Variants in PDE4D observed in about 807,000 individuals in gnomAD.
PDE4D encodes phosphodiesterase 4D.
In PDE4D, 24 loss-of-function variants were observed where a neutral mutation model predicts 87.4. The ratio of observed to expected loss-of-function variants is 0.27; its 90% CI spans 0.20 to 0.39. The LOEUF (loss-of-function observed/expected upper bound fraction) is 0.39, where lower values mean the gene tolerates loss of function less well. PDE4D is among the 10% of genes least tolerant of loss of function. The pLI, the probability that PDE4D is intolerant of heterozygous loss-of-function variation, is 1.00. For missense variants in PDE4D, 714 were observed against 1,041.0 expected (o/e 0.69, Z 4.32); for synonymous variants, 384 against 383.2 (o/e 1.00, Z -0.02).
intron 1 of PDE4D, among the ~76,000 whole-genome samples, chr5:59,831,326 CAAAAA>C (rs35043596): frequency 1.1e-5 from 1 of 91,414 alleles, no homozygotes; most frequent in Non-Finnish European, 2.0e-5. Context: ...AAATTATTCT[CAAAAA>C]AAAAAAAAAA....
chr5:59,210,797 G>A (rs1457503875), intron 2 of PDE4D, among the ~76,000 whole-genome samples: 2 of 152,208 alleles, frequency 1.3e-5, no homozygotes, highest in Admixed American at 1.3e-4. Context: ...ATGGGGAATA[G>A]AGGATTAGTT....
intron 1 of PDE4D, among the ~76,000 whole-genome samples, chr5:59,279,936 GAATT>G (rs1561871364): frequency 1.3e-5 from 2 of 151,984 alleles, no homozygotes; most frequent in Non-Finnish European, 2.9e-5. Context: ...CAGTGGCAAT[GAATT>G]AATATAATAA....
rs555865241 is a variant in PDE4D at position 60,146,083 on chromosome 5, G to A, written c.42+39474C>T. Among the ~76,000 whole-genome samples, 25 of 152,230 alleles carry A rather than the reference G, an allele frequency of 1.6e-4. No individual in the cohort carries two copies. The South Asian group carries it at 2.7e-3, about 16-fold the overall frequency. On this transcript the variant is annotated intron_variant, in intron 2 of 16. Transcript: ENST00000502484. ...CAAAAAATTAGCCAGGTGTGGTGGC[G>A]TGCGCCTATAGTCCCAGCTGCTCAG...
intron 1 of PDE4D, among the ~76,000 whole-genome samples, chr5:60,352,534 A>G (rs576013149): frequency 1.6e-4 from 25 of 152,348 alleles, no homozygotes; most frequent in African/African-American, 6.0e-4. Context: ...TTTGGCCTCT[A>G]ATTGGCCCTG....
chr5:59,950,674 C>T (rs1222846885), intron 3 of PDE4D, among the ~76,000 whole-genome samples: 1 of 152,066 alleles, frequency 6.6e-6, no homozygotes, highest in African/African-American at 2.4e-5. Flanking sequence ...TTGACTGAGT[C>T]TAGGCTATGA....
At chr5:59,967,612 C>G (rs917892310) in intron 3 of PDE4D, among the ~76,000 whole-genome samples, 1 of 151,978 alleles carries the variant, frequency 6.6e-6, no homozygotes, top group Non-Finnish European at 1.5e-5. Context: ...CAGATACTGG[C>G]GAGGCTGAAA....
chr5:59,219,733 T>C (rs1270975249), intron 1 of PDE4D, among the ~76,000 whole-genome samples: 1 of 152,102 alleles, frequency 6.6e-6, no homozygotes. Context: ...AGCATATAAA[T>C]ACTAAAACAC....
At chr5:60,173,912 T>G (rs1438815548) in intron 2 of PDE4D, among the ~76,000 whole-genome samples, 1 of 152,088 alleles carries the variant, frequency 6.6e-6, no homozygotes, top group African/African-American at 2.4e-5. Context: ...CTTGTTTAGA[T>G]GTTGGGAGGG....
intron 1 of PDE4D, among the ~76,000 whole-genome samples, chr5:60,379,042 T>C (rs114052349): frequency 0.018 from 2,667 of 152,240 alleles, 65 homozygotes; most frequent in African/African-American, 0.061. Flanking sequence ...CCTACATACA[T>C]GGTTACCCTG....
chr5:59,914,606 G>GT (rs1753819125), intron 3 of PDE4D, among the ~76,000 whole-genome samples: 1 of 145,356 alleles, frequency 6.9e-6, no homozygotes, highest in Non-Finnish European at 1.5e-5. Context: ...GGGGGAAGAG[G>GT]TTTTAACTTT....
At chr5:59,581,399 A>G (rs1824123283) in intron 1 of PDE4D, among the ~76,000 whole-genome samples, 1 of 152,228 alleles carries the variant, frequency 6.6e-6, no homozygotes, top group African/African-American at 2.4e-5. Flanking sequence ...AGTCAACTAA[A>G]AGGAAGAAGC....
intron 1 of PDE4D, among the ~76,000 whole-genome samples, chr5:59,305,327 T>C (rs945920920): frequency 9.9e-5 from 15 of 152,012 alleles, no homozygotes; most frequent in Admixed American, 6.6e-5. Flanking sequence ...ATTTTATTTA[T>C]TTTCTCAAAG....
chr5:59,257,023 G>A (rs949796388), intron 1 of PDE4D, among the ~76,000 whole-genome samples: 1 of 152,030 alleles, frequency 6.6e-6, no homozygotes. Context: ...GAGGGGGGAT[G>A]AGCATAGAAT....
At chr5:59,841,756 GAGTTAAGACTT>G (rs1392471422) in intron 1 of PDE4D, among the ~76,000 whole-genome samples, 2 of 152,128 alleles carry the variant, frequency 1.3e-5, no homozygotes, top group East Asian at 3.9e-4. Context: ...CATCTACTTA[GAGTTAAGACTT>G]AAATAAACAG....
chr5:59,930,246 G>C (rs903479368), intron 3 of PDE4D, among the ~76,000 whole-genome samples: 1 of 150,902 alleles, frequency 6.6e-6, no homozygotes. Context: ...TTTGGAAAAA[G>C]GATCTTTGCA....
intron 1 of PDE4D, among the ~76,000 whole-genome samples, chr5:59,859,779 G>A (rs1745984359): frequency 6.6e-6 from 1 of 152,166 alleles, no homozygotes; most frequent in Non-Finnish European, 1.5e-5. Flanking sequence ...GGTACTTGGA[G>A]CCCAAGGTAA....
intron 1 of PDE4D, among the ~76,000 whole-genome samples, chr5:60,461,408 A>G (rs967916427): frequency 1.3e-5 from 2 of 152,252 alleles, no homozygotes; most frequent in African/African-American, 4.8e-5. Context: ...GTCCACGAAG[A>G]GGAAAGTGCA....
intron 1 of PDE4D, among the ~76,000 whole-genome samples, chr5:59,789,554 T>A: frequency 6.6e-6 from 1 of 152,376 alleles, no homozygotes; most frequent in South Asian, 2.1e-4. Context: ...CTTGGCTATA[T>A]TGAAGTCATA....
rs564998429 is a variant in PDE4D at position 59,551,130 on chromosome 5, G to A, written c.456-335162C>T. 2.6e-5 allele frequency among the ~76,000 whole-genome samples: 4 copies of A among 152,034 alleles called. No homozygotes were observed. In the South Asian group the frequency reaches 8.3e-4, roughly 32 times the overall value. ...GTGTAGAAAAATTTGATTCCTTAATGTATACACATCTATCAGACATTTTCT... is the reference window on the plus strand; with the variant it reads ...GTGTAGAAAAATTTGATTCCTTAATATATACACATCTATCAGACATTTTCT... On this transcript the variant is annotated intron_variant, in intron 1 of 14. Coordinates refer to ENST00000340635, the MANE Select transcript of PDE4D (RefSeq NM_001104631.2).
Sources: gnomAD v4.1 joint callset for allele counts (sites outside exome capture counted in the v4.1 genomes callset) on GRCh38, gnomAD v4.1.1 for gene constraint, MANE v1.5 for transcripts, NCBI Gene and HGNC (gene_info 2026-07-23, HGNC 2026-07-21) for gene names.